Variants in ZNF83 observed in about 807,000 individuals in gnomAD.
ZNF83 encodes the protein zinc finger protein 83, also known as zinc finger protein 816B.
For synonymous variants in ZNF83, 209 were observed against 213.0 expected (o/e 0.98, Z 0.17); for missense variants, 552 against 629.9 (o/e 0.88, Z 1.32).
intron 1 of ZNF83, among the ~76,000 whole-genome samples, chr19:52,675,214 C>T (rs185856703): frequency 6.6e-6 from 1 of 152,298 alleles, no homozygotes; most frequent in East Asian, 1.9e-4. Flanking sequence ...ATTAACATTA[C>T]TTCTCAAATA....
rs977506874 is a variant in ZNF83, at chr19:52,618,982, T to A, written c.-233-4185A>T. ...AATTCTCCAACATCACATCTCTGTATAGAGTCCTCTGAGCAGGGTCCAGGC... is the reference window on the plus strand; with the variant it reads ...AATTCTCCAACATCACATCTCTGTAAAGAGTCCTCTGAGCAGGGTCCAGGC... On this transcript the variant is annotated intron_variant, in intron 2 of 2. Transcript: ENST00000301096. 1.0e-5 allele frequency: 16 copies of A among 1,560,472 alleles called. 2 individuals are homozygous for A. The highest frequency in any genetic ancestry group is 1.7e-4 in the Middle Eastern group (1 of 5,828).
intron 1 of ZNF83, among the ~76,000 whole-genome samples, chr19:52,665,603 C>T (rs955766477): frequency 2.0e-5 from 3 of 152,026 alleles, no homozygotes; most frequent in African/African-American, 4.8e-5. Context: ...ATAAAGCAAC[C>T]TTTTTTAATC....
chr19:52,662,068 C>T (rs1320864919), intron 1 of ZNF83, among the ~76,000 whole-genome samples: 2 of 152,130 alleles, frequency 1.3e-5, no homozygotes, highest in Non-Finnish European at 2.9e-5. Flanking sequence ...AGCACAGATC[C>T]ATAGGGATGA....
chr19:52,670,368 A>T (rs1481546471), intron 1 of ZNF83, among the ~76,000 whole-genome samples: 3 of 152,240 alleles, frequency 2.0e-5, no homozygotes, highest in Non-Finnish European at 4.4e-5. Context: ...GGGGAATGAC[A>T]CAGCAGCAAG....
At chr19:52,652,965 C>G in intron 3 of ZNF83, 2 of 1,296,956 alleles carry the variant, frequency 1.5e-6, no homozygotes, top group South Asian at 2.4e-5. Context: ...TCTTGCCACA[C>G]TCATTACACC....
chr19:52,614,037 T>C, exon 3 of ZNF83: 1 of 1,612,754 alleles, frequency 6.2e-7, no homozygotes, highest in Middle Eastern at 1.7e-4. Flanking sequence ...TACATTTATA[T>C]GGTTTCTCTC....
chr19:52,679,304 A>G (rs751944910), intron 1 of ZNF83, among the ~76,000 whole-genome samples: 7 of 152,112 alleles, frequency 4.6e-5, no homozygotes, highest in Non-Finnish European at 7.4e-5. Context: ...AGAAGCTTCT[A>G]TGATGCTCCT....
chr19:52,644,517 G>A (rs12980672), intron 3 of ZNF83, among the ~76,000 whole-genome samples: 41,739 of 152,040 alleles, frequency 0.27, 6,003 homozygotes, highest in Middle Eastern at 0.35. Context: ...GAAAATTAAA[G>A]AAGTGTCTTC....
intron 3 of ZNF83, chr19:52,651,683 CAAAAAA>C (rs58706352): frequency 1.1e-4 from 13 of 117,294 alleles, no homozygotes; most frequent in Non-Finnish European, 1.3e-4. Flanking sequence ...GACTCTGTCT[CAAAAAA>C]AAAAAAAAAA....
At chr19:52,631,351 G>A (rs913567480) in intron 2 of ZNF83, among the ~76,000 whole-genome samples, 5 of 152,106 alleles carry the variant, frequency 3.3e-5, no homozygotes, top group Admixed American at 6.5e-5. Context: ...GAGCCAGAAC[G>A]GCACCCTGTA....
intron 1 of ZNF83, among the ~76,000 whole-genome samples, chr19:52,671,328 ATGT>A (rs1600256026): frequency 6.6e-6 from 1 of 152,206 alleles, no homozygotes; most frequent in African/African-American, 2.4e-5. Flanking sequence ...TTTACGATAA[ATGT>A]TGTTGACAAC....
At chr19:52,623,758 C>G (rs2100867) in intron 2 of ZNF83, among the ~76,000 whole-genome samples, 33,242 of 152,034 alleles carry the variant, frequency 0.22, 3,700 homozygotes, top group South Asian at 0.26. Context: ...GGATTAAAGC[C>G]TGTTATCACT....
intron 2 of ZNF83, among the ~76,000 whole-genome samples, chr19:52,623,893 T>G (rs141132440): frequency 0.015 from 2,296 of 152,346 alleles, 29 homozygotes; most frequent in Non-Finnish European, 0.025. Flanking sequence ...CCAAATTGTT[T>G]TGCCTATCCA....
intron 1 of ZNF83, among the ~76,000 whole-genome samples, chr19:52,664,755 G>A (rs1357015835): frequency 2.0e-5 from 3 of 151,560 alleles, no homozygotes; most frequent in African/African-American, 7.3e-5. Flanking sequence ...GCCTGGTGTG[G>A]GGGGGTGAGG....
intron 2 of ZNF83, among the ~76,000 whole-genome samples, chr19:52,656,757 T>C (rs1334661599): frequency 1.3e-5 from 2 of 150,892 alleles, no homozygotes; most frequent in Non-Finnish European, 2.9e-5. Context: ...CCCCAGCTAC[T>C]CAGGAGGCTG....
intron 1 of ZNF83, among the ~76,000 whole-genome samples, chr19:52,674,427 G>A (rs2061770990): frequency 6.6e-6 from 1 of 152,104 alleles, no homozygotes; most frequent in South Asian, 2.1e-4. Context: ...CCTAGCCAGA[G>A]CAATGAAATA....
At chr19:52,676,405 C>T (rs1252524789) in intron 1 of ZNF83, among the ~76,000 whole-genome samples, 1 of 152,178 alleles carries the variant, frequency 6.6e-6, no homozygotes, top group Non-Finnish European at 1.5e-5. Context: ...GCCGCCACCC[C>T]GTCTGGGAAG....
intron 1 of ZNF83, among the ~76,000 whole-genome samples, chr19:52,683,438 C>T (rs1451518323): frequency 2.0e-5 from 3 of 150,864 alleles, no homozygotes; most frequent in East Asian, 1.9e-4. Context: ...CCAGCTCCTC[C>T]GGAACAGAAC....
At chr19:52,667,293 C>A (rs972453027) in intron 1 of ZNF83, among the ~76,000 whole-genome samples, 5 of 148,892 alleles carry the variant, frequency 3.4e-5, no homozygotes, top group African/African-American at 1.2e-4. Context: ...AAATTCTTGT[C>A]CTAAAATAAA....
Sources: gnomAD v4.1 joint callset for allele counts (sites outside exome capture counted in the v4.1 genomes callset) on GRCh38, gnomAD v4.1.1 for gene constraint, MANE v1.5 for transcripts, NCBI Gene and HGNC (gene_info 2026-07-23, HGNC 2026-07-21) for gene names.